Variants in RNF180 observed in about 807,000 individuals in gnomAD.
RNF180 encodes E3 ubiquitin-protein ligase RNF180.
RNF180 carries 38 observed loss-of-function variants against 59.2 expected under a neutral mutation model. The ratio of observed to expected loss-of-function variants is 0.64; its 90% CI spans 0.50 to 0.84. The LOEUF (loss-of-function observed/expected upper bound fraction) is 0.84, where lower values mean the gene tolerates loss of function less well. Ranked by LOEUF, RNF180 falls within the 40% of genes least tolerant of loss-of-function variation. RNF180 has a pLI of 0.00. For synonymous variants in RNF180, 262 were observed against 240.3 expected (o/e 1.09, Z -0.84); for missense variants, 705 against 700.9 (o/e 1.01, Z -0.07).
chr5:64,330,310 A>G lies in RNF180; in HGVS notation c.1483A>G (p.Thr495Ala), dbSNP rs912450054. The G allele has an allele frequency of 9.2e-6, 14 of 1,515,504 alleles. No individual in the cohort carries two copies. The Admixed American group carries it at 1.0e-4, about 11-fold the overall frequency. The allele number at this position is 1,515,504 out of a possible 1,614,324, so 93.9% of individuals were successfully genotyped here. Reference sequence around the variant, plus strand: ...GAACAATGCCACAAAAACTTTCTTTACTAAAGAATATTTGAAAATAAAACA... The same window carrying G: ...GAACAATGCCACAAAAACTTTCTTTGCTAAAGAATATTTGAAAATAAAACA... ...ELNNATKTFF[T>A]KEYLKIKQSF... Residue 495 changes from threonine to alanine, a missense_variant, in exon 7 of 8, where the codon ACT (threonine) becomes GCT (alanine). Transcript: ENST00000389100.
chr5:64,197,732 G>C (rs2112038172), intron 1 of RNF180, among the ~76,000 whole-genome samples: 1 of 152,246 alleles, frequency 6.6e-6, no homozygotes. Flanking sequence ...AGTTGTTTTA[G>C]TTGAGAGTTG....
rs1306952684 is a variant in RNF180, at chr5:64,213,831, G to A, written c.505G>A (p.Ala169Thr). The A allele has an allele frequency of 1.2e-6, 2 of 1,614,084 alleles. No individual in the cohort carries two copies. The highest frequency in any genetic ancestry group is 1.7e-5 in the Admixed American group (1 of 59,994). Residue 169 changes from alanine to threonine, a missense_variant, in exon 4 of 8, where the codon GCC becomes ACC. Ala to Thr is a moderately conservative substitution (Grantham distance 58). Transcript: ENST00000389100. ...ENRNHRLLNM[A>T]RNNNDPGRLT... is the part of the protein sequence containing the mutation. ...CAGAAATCACAGGCTTTTAAACATG[G>A]CCCGAAATAATAATGACCCTGGAAG...
At chr5:64,213,257 A>T (rs1444719243) in intron 3 of RNF180, among the ~76,000 whole-genome samples, 1 of 152,140 alleles carries the variant, frequency 6.6e-6, no homozygotes, top group Non-Finnish European at 1.5e-5. Context: ...ATTTTTCTTT[A>T]GTTCACACTG....
intron 7 of RNF180, among the ~76,000 whole-genome samples, chr5:64,332,184 C>A (rs758263554): frequency 9.2e-5 from 14 of 152,228 alleles, no homozygotes; most frequent in Middle Eastern, 3.4e-3. Context: ...CAGGCACAAG[C>A]AGTACTCAGG....
intron 5 of RNF180, among the ~76,000 whole-genome samples, chr5:64,301,633 A>C (rs1743163391): frequency 6.6e-6 from 1 of 151,626 alleles, no homozygotes; most frequent in Non-Finnish European, 1.5e-5. Flanking sequence ...TAAATAACCA[A>C]ATCAGTTGGA....
chr5:64,200,190 G>A (rs1296917840), intron 1 of RNF180, among the ~76,000 whole-genome samples: 1 of 152,134 alleles, frequency 6.6e-6, no homozygotes, highest in Non-Finnish European at 1.5e-5. Flanking sequence ...CAGGACTTTA[G>A]GAGGCTGAGG....
chr5:64,325,600 G>A (rs1023295648), intron 6 of RNF180, among the ~76,000 whole-genome samples, 189 bp downstream of exon 6: 1 of 152,088 alleles, frequency 6.6e-6, no homozygotes, highest in African/African-American at 2.4e-5. Flanking sequence ...TCCTCATCTC[G>A]AATTCCCTAC....
At chr5:64,189,992 A>T (rs1354688144) in intron 1 of RNF180, among the ~76,000 whole-genome samples, 1 of 152,214 alleles carries the variant, frequency 6.6e-6, no homozygotes. Context: ...CCACAGGCCC[A>T]GAGCACACAG....
chr5:64,183,223 T>C (rs1016416793), intron 1 of RNF180, among the ~76,000 whole-genome samples: 2 of 152,194 alleles, frequency 1.3e-5, no homozygotes, highest in Non-Finnish European at 2.9e-5. Context: ...TTTCCTCATC[T>C]ATAAAATGGA....
chr5:64,182,143 A>ACCACGC (rs1225711829), intron 1 of RNF180, among the ~76,000 whole-genome samples: 1 of 151,258 alleles, frequency 6.6e-6, no homozygotes, highest in Non-Finnish European at 1.5e-5. Flanking sequence ...GGCGCCCACC[A>ACCACGC]CCACGCCTGG....
At chr5:64,276,374 G>GGTGTGTGTGT (rs143707598) in intron 5 of RNF180, among the ~76,000 whole-genome samples, 25 of 145,454 alleles carry the variant, frequency 1.7e-4, no homozygotes, top group African/African-American at 5.9e-4. Flanking sequence ...AAACCACATT[G>GGTGTGTGTGT]GTGTGTGTGT....
At chr5:64,256,487 G>A (rs1347399492) in intron 5 of RNF180, among the ~76,000 whole-genome samples, 1 of 152,112 alleles carries the variant, frequency 6.6e-6, no homozygotes, top group Non-Finnish European at 1.5e-5. Context: ...GTTTCTGTCA[G>A]GTTTGTCAAA....
chr5:64,234,692 C>G (rs560416842), intron 5 of RNF180, among the ~76,000 whole-genome samples: 1 of 143,190 alleles, frequency 7.0e-6, no homozygotes, highest in African/African-American at 2.6e-5. Flanking sequence ...CTCCGCCTCC[C>G]GGGTTCACCC....
At chr5:64,345,477 T>C (rs1436121942) in intron 7 of RNF180, among the ~76,000 whole-genome samples, 1 of 152,130 alleles carries the variant, frequency 6.6e-6, no homozygotes, top group East Asian at 1.9e-4. Flanking sequence ...CCAACACTGA[T>C]ATAAGAGAAA....
At chr5:64,349,966 T>C (rs139715645) in intron 7 of RNF180, among the ~76,000 whole-genome samples, 20 of 151,330 alleles carry the variant, frequency 1.3e-4, no homozygotes, top group African/African-American at 4.8e-4. Flanking sequence ...GTATTTCTAA[T>C]TCTAGATCCT....
intron 5 of RNF180, among the ~76,000 whole-genome samples, chr5:64,228,070 A>G (rs959137281): frequency 6.6e-6 from 1 of 152,206 alleles, no homozygotes; most frequent in African/African-American, 2.4e-5. Context: ...GGTACCTGGA[A>G]TCCTCTCCTT....
chr5:64,212,135 A>G lies in RNF180; in HGVS notation c.206A>G (p.Glu69Gly). 4 of 1,600,520 alleles carry G rather than the reference A, an allele frequency of 2.5e-6. No homozygotes were observed. The highest frequency in any genetic ancestry group is 3.4e-6 in the Non-Finnish European group (4 of 1,167,808). The change falls in exon 3 of 8, where the codon GAA (glutamate) becomes GGA (glycine). Residue 69 changes from glutamate to glycine, a missense_variant. By Grantham distance (98) the Glu-to-Gly change is moderately conservative. Coordinates refer to ENST00000389100, the MANE Select transcript of RNF180 (RefSeq NM_001113561.2). ...CACATGAATGTAGAAGCCCTTCCAGAATGGATAAGCTGCCTAATCCAAAAA... is the reference window on the plus strand; with the variant it reads ...CACATGAATGTAGAAGCCCTTCCAGGATGGATAAGCTGCCTAATCCAAAAA... ...VWHMNVEALP[E>G]WISCLIQKAQ... is the part of the protein sequence containing the mutation.
intron 5 of RNF180, among the ~76,000 whole-genome samples, chr5:64,299,900 GGTA>G (rs1160004436): frequency 6.6e-6 from 1 of 151,620 alleles, no homozygotes; most frequent in Non-Finnish European, 1.5e-5. Context: ...CATGTAGCAT[GGTA>G]AAACCTTGTG....
chr5:64,169,269 C>G (rs1749812909), intron 1 of RNF180, among the ~76,000 whole-genome samples: 1 of 152,310 alleles, frequency 6.6e-6, no homozygotes, highest in East Asian at 1.9e-4. Context: ...TCTGTCCTTT[C>G]AGTAAGCTTT....
Sources: allele counts gnomAD v4.1 joint callset (sites outside exome capture counted in the v4.1 genomes callset), GRCh38; gene constraint gnomAD v4.1.1; transcripts MANE v1.5; gene names NCBI Gene and HGNC (gene_info 2026-07-23, HGNC 2026-07-21).